Variants in AXDND1 observed in about 807,000 individuals in gnomAD.
The protein encoded by AXDND1 is axonemal dynein light chain domain-containing protein 1.
AXDND1 carries 110 observed loss-of-function variants against 137.5 expected under a neutral mutation model. The ratio of observed to expected loss-of-function variants is 0.80; its 90% CI spans 0.69 to 0.94. The LOEUF is 0.94. AXDND1 is among the 40% of genes least tolerant of loss of function. The pLI is 0.00. For synonymous variants in AXDND1, 414 were observed against 399.7 expected (o/e 1.04, Z -0.43); for missense variants, 1,191 against 1,169.8 (o/e 1.02, Z -0.26).
intron 2 of AXDND1, among the ~76,000 whole-genome samples, chr1:179,367,582 C>T (rs1284278592): frequency 6.6e-6 from 1 of 150,870 alleles, no homozygotes; most frequent in Non-Finnish European, 1.5e-5. Flanking sequence ...ACTAAAAATA[C>T]AAAATTTAGC....
chr1:179,413,005 C>T (rs1039982511), intron 12 of AXDND1, among the ~76,000 whole-genome samples: 3 of 152,026 alleles, frequency 2.0e-5, no homozygotes, highest in Admixed American at 1.3e-4. Context: ...TGTATTTAGT[C>T]AAATATATTT....
chr1:179,528,819 C>T lies in AXDND1; in HGVS notation c.2715+388C>T, dbSNP rs149548455. On this transcript the variant is annotated intron_variant, in intron 23 of 25. Transcript: ENST00000367618. ...ATTGGCTAGGCTGGTCTCAATCTCC[C>T]GACCTCAGGTGATCCACCCACCTCA... Among the ~76,000 whole-genome samples, 1,322 of 151,914 alleles carry T rather than the reference C, an allele frequency of 8.7e-3. 39 individuals are homozygous for T. Among genetic ancestry groups the T allele is most frequent in the Admixed American group, 0.056 (848 of 15,240 alleles).
chr1:179,418,644 C>CG (rs1473913648), intron 12 of AXDND1, among the ~76,000 whole-genome samples: 1 of 148,842 alleles, frequency 6.7e-6, no homozygotes, highest in African/African-American at 2.5e-5. Context: ...CCCTCCCGGA[C>CG]GGGGCGGCTG....
Position 179,468,600 on chromosome 1 carries a change from T to G in AXDND1, c.1956T>G (p.Leu652=). ...CACACTTGGATATATTGTTAAACCTTACTGGTATTGTTCCACAGCACATAG... is the reference window on the plus strand; with the variant it reads ...CACACTTGGATATATTGTTAAACCTGACTGGTATTGTTCCACAGCACATAG... ...MKSHLDILLN[L]TGIVPQHIDV... Residue 652 remains leucine, a synonymous_variant, in exon 17 of 26, where the codon CTT becomes CTG. Transcript: ENST00000367618. The G allele has an allele frequency of 6.2e-7, 1 of 1,612,432 alleles. No homozygotes were observed.
intron 25 of AXDND1, chr1:179,551,289 G>A: frequency 6.2e-7 from 1 of 1,614,110 alleles, no homozygotes; most frequent in Non-Finnish European, 8.5e-7. Context: ...CAATTCAGTA[G>A]GTCAAATGGC....
chr1:179,388,182 A>G (rs1649530565), intron 9 of AXDND1, among the ~76,000 whole-genome samples: 1 of 152,178 alleles, frequency 6.6e-6, no homozygotes, highest in Non-Finnish European at 1.5e-5. Flanking sequence ...CCTGATATCC[A>G]GTGTCTTAAA....
chr1:179,493,050 G>T, intron 20 of AXDND1, 99 bp downstream of exon 20: 2 of 783,454 alleles, frequency 2.6e-6, no homozygotes, highest in African/African-American at 1.8e-5. Flanking sequence ...CATATTTAAA[G>T]AATACAATCT....
At chr1:179,525,814 G>C (rs201236811) in intron 22 of AXDND1, among the ~76,000 whole-genome samples, 1 of 130,580 alleles carries the variant, frequency 7.7e-6, no homozygotes, top group Middle Eastern at 3.6e-3. Context: ...TATATACACA[G>C]ACATATATAG....
At chr1:179,483,100 C>G in intron 17 of AXDND1, 28 bp from the exon 18 acceptor site, 1 of 1,455,940 alleles carries the variant, frequency 6.9e-7, no homozygotes. Flanking sequence ...CAGCCAGTCA[C>G]TTTTATTTTA....
At chr1:179,418,605 G>T (rs1655077664) in intron 12 of AXDND1, among the ~76,000 whole-genome samples, 1 of 150,986 alleles carries the variant, frequency 6.6e-6, no homozygotes, top group Non-Finnish European at 1.5e-5. Flanking sequence ...CGGGGCGGCT[G>T]GCCGGGCGGG....
At chr1:179,456,548 G>C in intron 16 of AXDND1, 4 of 778,152 alleles carry the variant, frequency 5.1e-6, no homozygotes, top group South Asian at 2.7e-5. Context: ...CATAGCCTCT[G>C]CTTCCTCCGG....
At chr1:179,444,823 G>T in intron 15 of AXDND1, 147 bp from the exon 16 acceptor site, 1 of 518,146 alleles carries the variant, frequency 1.9e-6, no homozygotes. Context: ...TAAGATATAT[G>T]TCATATACCA....
intron 11 of AXDND1, among the ~76,000 whole-genome samples, chr1:179,400,239 C>T (rs566214271): frequency 3.3e-4 from 50 of 152,268 alleles, no homozygotes; most frequent in Middle Eastern, 6.8e-3. Flanking sequence ...TGGAATACCA[C>T]TCAGCCATAA....
intron 9 of AXDND1, among the ~76,000 whole-genome samples, chr1:179,392,373 G>T (rs1650339939): frequency 6.6e-6 from 1 of 152,154 alleles, no homozygotes; most frequent in Admixed American, 6.5e-5. Flanking sequence ...TCCACTCATT[G>T]CTTGATGGAC....
chr1:179,453,993 T>C (rs1571899717), intron 16 of AXDND1: 1 of 152,108 alleles, frequency 6.6e-6, no homozygotes, highest in African/African-American at 2.4e-5. Context: ...AAAGGACTGG[T>C]CTTGTTTCAG....
At chr1:179,536,048 T>C (rs181957811) in intron 25 of AXDND1, among the ~76,000 whole-genome samples, 4 of 152,364 alleles carry the variant, frequency 2.6e-5, no homozygotes, top group Admixed American at 2.0e-4. Context: ...TCATATCCTT[T>C]GCCCACTTTT....
At position 179,492,927 on chromosome 1, in the gene AXDND1, C is replaced by G; in HGVS notation, c.2364C>G (p.Asp788Glu). 1 of 1,608,898 alleles carries G rather than the reference C, an allele frequency of 6.2e-7. No homozygotes were observed. Among genetic ancestry groups the G allele is most frequent in the Non-Finnish European group, 8.5e-7 (1 of 1,177,340 alleles). ...ACTCACACAAAAATGCTACTGAAGA[C>G]CTTTATGAGGTGGATAAGTTGAAGG... Reference protein sequence around the residue: ...STNSHKNATEDLYEVDKLKKE... With the variant: ...STNSHKNATEELYEVDKLKKE... The change falls in exon 20 of 26, where the codon GAC becomes GAG. Residue 788 changes from aspartate (D) to glutamate (E), a missense_variant. By Grantham distance (45) the Asp-to-Glu change is conservative. Coordinates refer to ENST00000367618, the MANE Select transcript of AXDND1 (RefSeq NM_144696.6).
chr1:179,496,712 CT>C (rs1558269004), intron 20 of AXDND1, among the ~76,000 whole-genome samples: 45 of 152,032 alleles, frequency 3.0e-4, no homozygotes, highest in African/African-American at 1.0e-3. Flanking sequence ...CCAGTCTAGT[CT>C]TTATTGTTTA....
chr1:179,383,561 A>T lies in AXDND1; in HGVS notation c.741+17A>T. On this transcript the variant is annotated intron_variant, in intron 8 of 25. Transcript: ENST00000367618. ...CCAACGAAGGTAATTGCAAAGCCGA[A>T]TGCAACCTGGTGGCTAAGAGCATGC... The T allele has an allele frequency of 6.3e-7, 1 of 1,589,944 alleles. No homozygotes were observed. Among genetic ancestry groups the T allele is most frequent in the African/African-American group, 1.3e-5 (1 of 74,462 alleles).
Sources: allele counts gnomAD v4.1 joint callset (sites outside exome capture counted in the v4.1 genomes callset), GRCh38; gene constraint gnomAD v4.1.1; transcripts MANE v1.5; gene names NCBI Gene and HGNC (gene_info 2026-07-23, HGNC 2026-07-21).